Variants in HYLS1 observed in about 807,000 individuals in gnomAD.
HYLS1 encodes the protein centriolar and ciliogenesis-associated protein HYLS1.
A neutral mutation model predicts 29.4 loss-of-function variants in HYLS1; 25 were observed. That is an observed-to-expected ratio of 0.85 (90% CI 0.62 to 1.19). The LOEUF is 1.19. Ranked by LOEUF, HYLS1 falls within the 50% of genes most tolerant of loss-of-function variation. The pLI is 0.00. For synonymous variants in HYLS1, 128 were observed against 126.7 expected (o/e 1.01, Z -0.07); for missense variants, 352 against 365.1 (o/e 0.96, Z 0.29).
upstream of HYLS1, among the ~76,000 whole-genome samples, chr11:125,885,496 A>G (rs1944290803): frequency 6.6e-6 from 1 of 152,190 alleles, no homozygotes; most frequent in African/African-American, 2.4e-5. Flanking sequence ...TGGGGGATCC[A>G]TAAGGAGAAT....
intron 2 of HYLS1, chr11:125,895,870 T>G (rs1317568779): frequency 6.3e-7 from 1 of 1,599,120 alleles, no homozygotes; most frequent in South Asian, 1.1e-5. Context: ...AATATCCTAG[T>G]ATTGCTTGCT....
intron 2 of HYLS1, among the ~76,000 whole-genome samples, chr11:125,892,095 G>A (rs1184095754): frequency 2.0e-5 from 3 of 152,166 alleles, no homozygotes; most frequent in African/African-American, 7.2e-5. Context: ...TGGTAGAATT[G>A]TAAATTAGAG....
intron 2 of HYLS1, among the ~76,000 whole-genome samples, chr11:125,892,255 A>C (rs540236744): frequency 6.6e-6 from 1 of 152,330 alleles, no homozygotes; most frequent in Admixed American, 6.5e-5. Context: ...AGTTTGCAAA[A>C]TTACTCATTC....
At chr11:125,895,237 T>G (rs750764188) in intron 2 of HYLS1, 25 of 1,587,228 alleles carry the variant, frequency 1.6e-5, no homozygotes, top group Non-Finnish European at 2.1e-5. Context: ...TATTGAGGCT[T>G]TTGGGGATTT....
intron 2 of HYLS1, among the ~76,000 whole-genome samples, chr11:125,894,520 G>C (rs1944515786): frequency 6.6e-6 from 1 of 152,146 alleles, no homozygotes; most frequent in African/African-American, 2.4e-5. Flanking sequence ...AAATGTCAGT[G>C]CTAACAAGAC....
chr11:125,895,254 A>G (rs144531835), intron 2 of HYLS1: 9 of 1,600,640 alleles, frequency 5.6e-6, no homozygotes, highest in Admixed American at 5.3e-5. Context: ...ATTTTTCTCT[A>G]TATTCAGCAG....
intron 2 of HYLS1, chr11:125,894,177 A>C: frequency 6.2e-7 from 1 of 1,614,158 alleles, no homozygotes; most frequent in African/African-American, 1.3e-5. Context: ...TGATTAGCCC[A>C]CAGTTGTTGT....
intron 2 of HYLS1, chr11:125,893,999 T>C: frequency 1.2e-6 from 2 of 1,614,230 alleles, no homozygotes; most frequent in African/African-American, 1.3e-5. Flanking sequence ...GAGGGGCTTA[T>C]ATGTGCGCAT....
chr11:125,898,765 A>ATT (rs565353526), intron 2 of HYLS1, among the ~76,000 whole-genome samples: 17 of 148,160 alleles, frequency 1.1e-4, no homozygotes, highest in East Asian at 9.8e-4. Flanking sequence ...TGCTTTTGTG[A>ATT]TTTTTTTTTT....
At chr11:125,895,468 C>T in intron 2 of HYLS1, 1 of 1,614,120 alleles carries the variant, frequency 6.2e-7, no homozygotes, top group Non-Finnish European at 8.5e-7. Context: ...AAATTAATCA[C>T]ACCGTTGGCT....
At chr11:125,889,281 A>C (rs1944367443) in intron 1 of HYLS1, among the ~76,000 whole-genome samples, 1 of 152,136 alleles carries the variant, frequency 6.6e-6, no homozygotes, top group African/African-American at 2.4e-5. Flanking sequence ...CTACTAATGT[A>C]CATTTGTTTC....
chr11:125,893,008 T>C (rs1314672204), intron 2 of HYLS1, among the ~76,000 whole-genome samples: 2 of 152,248 alleles, frequency 1.3e-5, no homozygotes, highest in African/African-American at 2.4e-5. Context: ...TTAGACACAT[T>C]TAAAGTGGTT....
intron 2 of HYLS1, chr11:125,895,419 C>T (rs866552678): frequency 6.2e-7 from 1 of 1,613,950 alleles, no homozygotes; most frequent in Non-Finnish European, 8.5e-7. Context: ...TGGGCTCTGG[C>T]CCACTAGCTG....
upstream of HYLS1, chr11:125,887,524 C>A (rs1944326542): frequency 6.6e-6 from 1 of 152,302 alleles, no homozygotes; most frequent in South Asian, 2.1e-4. Flanking sequence ...ACAAAATGTG[C>A]GCCAATCAGG....
intron 2 of HYLS1, chr11:125,895,155 T>C (rs1944540184): frequency 3.1e-6 from 4 of 1,307,656 alleles, no homozygotes; most frequent in Admixed American, 2.5e-5. Context: ...CAAGCAATTC[T>C]TGTGCCTCAA....
At chr11:125,895,909 G>T (rs552117530) in intron 2 of HYLS1, 1 of 1,611,958 alleles carries the variant, frequency 6.2e-7, no homozygotes, top group South Asian at 1.1e-5. Context: ...GCCCTTACCT[G>T]TCCAAAGGCA....
intron 2 of HYLS1, 185 bp from the exon 3 acceptor site, chr11:125,899,159 G>C: frequency 1.8e-6 from 1 of 566,662 alleles, no homozygotes; most frequent in Non-Finnish European, 3.1e-6. Flanking sequence ...ATGAAAGCAG[G>C]TAATAGATTC....
intron 1 of HYLS1, 199 bp downstream of exon 1, chr11:125,887,964 TACAG>T (rs1944337427): frequency 9.3e-5 from 14 of 150,148 alleles, no homozygotes; most frequent in African/African-American, 3.3e-4. Context: ...CAGCGTGAGC[TACAG>T]GCGATGTGCG....
intron 2 of HYLS1, among the ~76,000 whole-genome samples, chr11:125,892,625 TTCTTAA>T (rs1212488139): frequency 6.6e-6 from 1 of 152,160 alleles, no homozygotes; most frequent in Non-Finnish European, 1.5e-5. Flanking sequence ...TGTTTCTACT[TTCTTAA>T]TCTTAAATTC....
Sources: gnomAD v4.1 joint callset for allele counts (sites outside exome capture counted in the v4.1 genomes callset) on GRCh38, gnomAD v4.1.1 for gene constraint, MANE v1.5 for transcripts, NCBI Gene and HGNC (gene_info 2026-07-23, HGNC 2026-07-21) for gene names.